The following ELP2 variants were observed in gnomAD, a reference collection of about 807,000 sequenced individuals.
ELP2 encodes elongator complex protein 2.
A neutral mutation model predicts 119.2 loss-of-function variants in ELP2; 90 were observed. The observed-to-expected ratio is 0.75, with a 90% CI of 0.64 to 0.90. The LOEUF is 0.90. Among genes scored for constraint, ELP2 ranks in the 40% least tolerant of loss-of-function variants. The pLI is 0.00. For missense variants in ELP2, 921 were observed against 967.8 expected, an observed-to-expected ratio of 0.95 and a Z score of 0.64; for synonymous variants, 339 against 331.0, an observed-to-expected ratio of 1.02 and a Z score of -0.26.
intron 19 of ELP2, among the ~76,000 whole-genome samples, chr18:36,168,732 C>G (rs1357984048): frequency 6.6e-6 from 1 of 152,032 alleles, no homozygotes; most frequent in African/African-American, 2.4e-5. Flanking sequence ...ATATCACATG[C>G]CTATAGAACA....
At chr18:36,132,991 G>A (rs962067794) in intron 1 of ELP2, among the ~76,000 whole-genome samples, 6 of 152,240 alleles carry the variant, frequency 3.9e-5, no homozygotes, top group South Asian at 4.1e-4. Context: ...GGATGCAGAC[G>A]CGAGAGCTCA....
rs2091207255 is a variant in ELP2 at position 36,175,626 on chromosome 18, G to A, written c.*985G>A. On this transcript the variant is annotated 3_prime_UTR_variant, in exon 22 of 22. Coordinates refer to ENST00000358232, the MANE Select transcript of ELP2 (RefSeq NM_018255.4). ...ATGAGGGATATATGTCCCCCAGGGAGGATGCAGAAAGAAGAAAAGGGTACT... is the reference window on the plus strand; with the variant it reads ...ATGAGGGATATATGTCCCCCAGGGAAGATGCAGAAAGAAGAAAAGGGTACT... The A allele has an allele frequency of 2.0e-5, 3 of 152,250 alleles. No homozygotes were observed. The South Asian group carries it at 6.2e-4, about 32-fold the overall frequency. 9.4% of individuals were successfully genotyped at this position (152,250 alleles called of 1,614,324 possible).
At chr18:36,130,208 G>C (rs1378884546) in intron 1 of ELP2, 137 bp downstream of exon 1, 2 of 1,103,060 alleles carry the variant, frequency 1.8e-6, no homozygotes, top group East Asian at 2.4e-5. Flanking sequence ...GTTTGGGCTC[G>C]GAGTCTCCAG....
intron 13 of ELP2, among the ~76,000 whole-genome samples, chr18:36,157,852 G>A (rs879096029): frequency 1.2e-4 from 19 of 152,168 alleles, no homozygotes; most frequent in African/African-American, 4.3e-4. Context: ...AGAGCTAAGC[G>A]TATGGAGGTG....
intron 1 of ELP2, among the ~76,000 whole-genome samples, chr18:36,130,413 A>G (rs1295471202): frequency 6.6e-6 from 1 of 152,238 alleles, no homozygotes. Flanking sequence ...AAACAATTGA[A>G]ATTTATATGT....
At chr18:36,130,409 T>C (rs2089565797) in intron 1 of ELP2, among the ~76,000 whole-genome samples, 1 of 152,258 alleles carries the variant, frequency 6.6e-6, no homozygotes, top group South Asian at 2.1e-4. Context: ...TTTAAAACAA[T>C]TGAAATTTAT....
At chr18:36,147,629 G>A (rs1383274655) in intron 11 of ELP2, among the ~76,000 whole-genome samples, 1 of 149,216 alleles carries the variant, frequency 6.7e-6, no homozygotes, top group Non-Finnish European at 1.5e-5. Context: ...GGCCAGCCTG[G>A]TCTCGAACTC....
intron 7 of ELP2, 74 bp from the exon 8 acceptor site, chr18:36,142,752 A>G (rs2090072732): frequency 1.0e-6 from 1 of 980,332 alleles, no homozygotes; most frequent in Non-Finnish European, 1.5e-6. Flanking sequence ...TATATATATT[A>G]TAGACAAAAA....
intron 1 of ELP2, among the ~76,000 whole-genome samples, chr18:36,130,382 C>T (rs1294986825): frequency 6.6e-6 from 1 of 152,184 alleles, no homozygotes; most frequent in Non-Finnish European, 1.5e-5. Context: ...ACTGTAGTAC[C>T]GTTAATCAAT....
At chr18:36,171,807 C>T (rs992472896) in intron 21 of ELP2, among the ~76,000 whole-genome samples, 1 of 152,226 alleles carries the variant, frequency 6.6e-6, no homozygotes, top group Admixed American at 6.5e-5. Context: ...ACCTCCGCCT[C>T]CCAGGCTCAA....
chr18:36,166,986 G>GCATATA, intron 18 of ELP2, 115 bp from the exon 19 acceptor site: 1 of 1,100,394 alleles, frequency 9.1e-7, no homozygotes, highest in Non-Finnish European at 1.2e-6. Flanking sequence ...AAAAGTCAGT[G>GCATATA]CATATAAATT....
intron 11 of ELP2, among the ~76,000 whole-genome samples, chr18:36,151,376 A>C (rs1567998623): frequency 6.6e-6 from 1 of 151,668 alleles, no homozygotes; most frequent in Non-Finnish European, 1.5e-5. Context: ...AGCCACCCTG[A>C]CCTGCCCTGC....
At position 36,167,232 on chromosome 18, in the gene ELP2, TAAAAATTTAATATTTTTTCAAATGTAAAA is replaced by T; in HGVS notation, c.2076+12_2076+40del. ...GAGTCGAGACAAAAAGGTAATTATTTAAAAATTTAATATTTTTTCAAATGTAAAAATAATATTTTTATAGGTATGTTTGA... is the reference window on the plus strand; with the variant it reads ...GAGTCGAGACAAAAAGGTAATTATTTATAATATTTTTATAGGTATGTTTGA... On this transcript the variant is annotated intron_variant, in intron 19 of 21. Transcript: ENST00000358232. 1 of 1,559,802 alleles carries T rather than the reference TAAAAATTTAATATTTTTTCAAATGTAAAA, an allele frequency of 6.4e-7. No individual in the cohort carries two copies. Among genetic ancestry groups the T allele is most frequent in the Non-Finnish European group, 8.7e-7 (1 of 1,147,852 alleles).
chr18:36,153,298 A>G (rs977885187), intron 11 of ELP2, among the ~76,000 whole-genome samples: 2 of 152,168 alleles, frequency 1.3e-5, no homozygotes, highest in Admixed American at 6.5e-5. Context: ...CTGCAGCTTC[A>G]TACCATTGGT....
chr18:36,130,137 G>A, intron 1 of ELP2, 66 bp downstream of exon 1: 1 of 1,608,686 alleles, frequency 6.2e-7, no homozygotes, highest in Non-Finnish European at 8.5e-7. Flanking sequence ...CGTGCTCCGG[G>A]CGCGCTGTTA....
At chr18:36,145,312 A>G in intron 9 of ELP2, 3 of 392,556 alleles carry the variant, frequency 7.6e-6, no homozygotes, top group South Asian at 7.4e-5. Flanking sequence ...CTTGATTATT[A>G]TGGGATTGAA....
chr18:36,143,270 C>T (rs112847678), intron 8 of ELP2, among the ~76,000 whole-genome samples: 6,853 of 152,002 alleles, frequency 0.045, 488 homozygotes, highest in African/African-American at 0.15. Flanking sequence ...CAGGCACGCA[C>T]CACCACGCCT....
rs750712010 is a variant in ELP2, at chr18:36,129,927, T to A, written c.-7T>A. 13 of 1,614,068 alleles carry A rather than the reference T, an allele frequency of 8.1e-6. No homozygotes were observed. Among genetic ancestry groups the A allele is most frequent in the Non-Finnish European group, 2.5e-6 (3 of 1,180,040 alleles). On this transcript the variant is annotated 5_prime_UTR_variant, in exon 1 of 22. Transcript: ENST00000358232. ...TCTCTTGTTTGTGCGGCTGACCAGTTGGCGACATGGTGGCACCCGTGCTGG... is the reference window on the plus strand; with the variant it reads ...TCTCTTGTTTGTGCGGCTGACCAGTAGGCGACATGGTGGCACCCGTGCTGG...
At chr18:36,170,837 A>C (rs1168810119) in intron 20 of ELP2, 6 of 586,346 alleles carry the variant, frequency 1.0e-5, no homozygotes, top group Non-Finnish European at 1.5e-5. Context: ...TTGCCAGCAG[A>C]GGACACAGAT....
Sources: gnomAD v4.1 joint callset for allele counts (sites outside exome capture counted in the v4.1 genomes callset) on GRCh38, gnomAD v4.1.1 for gene constraint, MANE v1.5 for transcripts, NCBI Gene and HGNC (gene_info 2026-07-23, HGNC 2026-07-21) for gene names.